The following CNTN5 variants were observed in gnomAD, a reference collection of about 807,000 sequenced individuals.
CNTN5 encodes contactin 5.
CNTN5 carries 77 observed loss-of-function variants against 129.1 expected under a neutral mutation model. The observed-to-expected ratio is 0.60, with a 90% CI of 0.50 to 0.72. CNTN5 has a LOEUF of 0.72. CNTN5 is among the 30% of genes least tolerant of loss of function. The pLI is 0.00. For synonymous variants in CNTN5, 509 were observed against 465.6 expected (o/e 1.09, Z -1.20); for missense variants, 1,478 against 1,328.8 (o/e 1.11, Z -1.75).
chr11:99,828,289 T>C (rs1324783244), intron 4 of CNTN5, among the ~76,000 whole-genome samples: 1 of 152,138 alleles, frequency 6.6e-6, no homozygotes, highest in Non-Finnish European at 1.5e-5. Flanking sequence ...TCTTAGTCCA[T>C]TTTGTGATTC....
At chr11:99,505,340 T>G (rs896398444) in intron 2 of CNTN5, among the ~76,000 whole-genome samples, 2 of 152,210 alleles carry the variant, frequency 1.3e-5, no homozygotes, top group Admixed American at 6.5e-5. Context: ...AGAGCATTGA[T>G]TATCAGTACT....
intron 3 of CNTN5, among the ~76,000 whole-genome samples, chr11:99,750,430 C>T (rs1016689897): frequency 1.3e-5 from 2 of 152,018 alleles, no homozygotes; most frequent in Admixed American, 1.3e-4. Context: ...ATTGTAACTA[C>T]ATCAGATTGA....
intron 21 of CNTN5, among the ~76,000 whole-genome samples, chr11:100,315,332 T>G (rs1397139803): frequency 6.6e-6 from 1 of 152,212 alleles, no homozygotes; most frequent in Non-Finnish European, 1.5e-5. Flanking sequence ...ACCCAACACT[T>G]TCAAGTACAT....
At chr11:100,288,324 C>T (rs1211314150) in intron 18 of CNTN5, among the ~76,000 whole-genome samples, 1 of 151,954 alleles carries the variant, frequency 6.6e-6, no homozygotes, top group South Asian at 2.1e-4. Context: ...CAGCACCACA[C>T]CACACCTATT....
chr11:99,762,308 G>A (rs2135284529), intron 3 of CNTN5, among the ~76,000 whole-genome samples: 1 of 151,220 alleles, frequency 6.6e-6, no homozygotes, highest in Admixed American at 6.6e-5. Context: ...TGTTGCCATT[G>A]CTTTTGGTGT....
At chr11:100,204,297 AATATATATATAT>A (rs10633078) in intron 15 of CNTN5, among the ~76,000 whole-genome samples, 529 of 17,642 alleles carry the variant, frequency 0.03, 29 homozygotes, top group African/African-American at 0.045. Flanking sequence ...AACATTGACT[AATATATATATAT>A]ATATATATAT....
chr11:99,473,689 G>T (rs1945262995), intron 2 of CNTN5, among the ~76,000 whole-genome samples: 1 of 151,762 alleles, frequency 6.6e-6, no homozygotes, highest in South Asian at 2.1e-4. Context: ...CTTTGACTTA[G>T]AGACTCTATA....
intron 1 of CNTN5, among the ~76,000 whole-genome samples, chr11:99,246,388 A>C (rs1273424771): frequency 6.6e-6 from 1 of 152,166 alleles, no homozygotes; most frequent in Non-Finnish European, 1.5e-5. Context: ...TTGGCATACT[A>C]ACTGTGTGAT....
chr11:99,505,786 C>T (rs932932081), intron 2 of CNTN5, among the ~76,000 whole-genome samples: 1 of 152,074 alleles, frequency 6.6e-6, no homozygotes, highest in African/African-American at 2.4e-5. Flanking sequence ...AAATGCAGGC[C>T]TCATTGTGTT....
At chr11:99,647,683 C>A (rs1362927493) in intron 3 of CNTN5, among the ~76,000 whole-genome samples, 3 of 151,550 alleles carry the variant, frequency 2.0e-5, no homozygotes, top group Admixed American at 2.0e-4. Flanking sequence ...GATTTCTCTT[C>A]ATTTTTTTGT....
At chr11:100,113,046 G>C (rs1034203131) in intron 13 of CNTN5, among the ~76,000 whole-genome samples, 12 of 151,884 alleles carry the variant, frequency 7.9e-5, no homozygotes, top group African/African-American at 2.9e-4. Context: ...ATAGAATATT[G>C]TATTCTTTAT....
At chr11:99,783,116 C>T (rs1945374682) in intron 3 of CNTN5, among the ~76,000 whole-genome samples, 1 of 87,214 alleles carries the variant, frequency 1.1e-5, no homozygotes, top group Non-Finnish European at 2.4e-5. Context: ...TGAACTCAAA[C>T]AAATTTACAA....
chr11:99,141,601 A>C (rs984314086), intron 1 of CNTN5, among the ~76,000 whole-genome samples: 1 of 151,962 alleles, frequency 6.6e-6, no homozygotes, highest in Non-Finnish European at 1.5e-5. Flanking sequence ...TAGGGTGTTA[A>C]TTTGAGATCT....
chr11:99,071,849 G>A (rs1185126422), intron 1 of CNTN5, among the ~76,000 whole-genome samples: 4 of 151,898 alleles, frequency 2.6e-5, no homozygotes. Context: ...ATTGGCACAG[G>A]AAGAAATAGG....
chr11:99,420,804 T>G (rs1942855369), intron 2 of CNTN5, among the ~76,000 whole-genome samples: 1 of 152,174 alleles, frequency 6.6e-6, no homozygotes, highest in African/African-American at 2.4e-5. Context: ...CTCTCTTGGG[T>G]TGAAATAAAA....
intron 7 of CNTN5, among the ~76,000 whole-genome samples, chr11:99,934,262 T>C (rs1011308636): frequency 2.0e-5 from 3 of 152,212 alleles, no homozygotes; most frequent in African/African-American, 7.2e-5. Context: ...ATTTACTTGC[T>C]TTTTCTTTCT....
intron 7 of CNTN5, among the ~76,000 whole-genome samples, chr11:99,939,009 G>C (rs954736950): frequency 6.6e-6 from 1 of 152,008 alleles, no homozygotes; most frequent in Non-Finnish European, 1.5e-5. Flanking sequence ...ACTGAAACTT[G>C]TATAGGTTTG....
At chr11:99,372,183 C>T (rs930855609) in intron 2 of CNTN5, among the ~76,000 whole-genome samples, 4 of 152,144 alleles carry the variant, frequency 2.6e-5, no homozygotes, top group East Asian at 1.9e-4. Context: ...TATTGGAGAA[C>T]ATTTAATCAA....
At chr11:99,264,497 G>A (rs915791541) in intron 1 of CNTN5, among the ~76,000 whole-genome samples, 1 of 151,904 alleles carries the variant, frequency 6.6e-6, no homozygotes, top group Non-Finnish European at 1.5e-5. Flanking sequence ...GAATTCACTG[G>A]GTACCTGGAG....
Sources: allele counts gnomAD v4.1 joint callset (sites outside exome capture counted in the v4.1 genomes callset), GRCh38; gene constraint gnomAD v4.1.1; transcripts MANE v1.5; gene names NCBI Gene and HGNC (gene_info 2026-07-23, HGNC 2026-07-21).